The following DMTF1 variants were observed in gnomAD, a reference collection of about 807,000 sequenced individuals.
DMTF1 encodes the protein cyclin D binding myb like transcription factor 1, also known as cyclin-D-binding Myb-like transcription factor 1.
A neutral mutation model predicts 91.1 loss-of-function variants in DMTF1; 39 were observed. That is an observed-to-expected ratio of 0.43 (90% CI 0.33 to 0.56). DMTF1 has a LOEUF of 0.56. Among genes scored for constraint, DMTF1 ranks in the 20% least tolerant of loss-of-function variants. The pLI, the probability that DMTF1 is intolerant of heterozygous loss-of-function variation, is 0.05. For synonymous variants in DMTF1, 338 were observed against 309.5 expected (o/e 1.09, Z -0.97); for missense variants, 750 against 914.5 (o/e 0.82, Z 2.32).
At chr7:87,168,380 C>T (rs182642747) in intron 4 of DMTF1, among the ~76,000 whole-genome samples, 2 of 152,160 alleles carry the variant, frequency 1.3e-5, no homozygotes, top group Admixed American at 1.3e-4. Context: ...TTACCTATTA[C>T]TAGAGTCCAT....
intron 12 of DMTF1, 85 bp from the exon 13 acceptor site, chr7:87,188,007 C>A: frequency 9.6e-7 from 1 of 1,041,428 alleles, no homozygotes; most frequent in Admixed American, 1.8e-5. Context: ...TACTTTCCCT[C>A]CTTACCTCCC....
chr7:87,181,286 T>A (rs1454722646), intron 8 of DMTF1, 23 bp from the exon 9 acceptor site: 14 of 1,157,288 alleles, frequency 1.2e-5, no homozygotes, highest in South Asian at 2.7e-5. Context: ...ATTGATTTTT[T>A]AAAAATTTCT....
At chr7:87,194,169 A>G in intron 16 of DMTF1, 67 bp downstream of exon 16, 1 of 1,489,978 alleles carries the variant, frequency 6.7e-7, no homozygotes. Flanking sequence ...AGTTTGGGAA[A>G]CTTTTTTCTG....
chr7:87,170,979 G>T lies in DMTF1; in HGVS notation c.233-16G>T. On this transcript the variant is annotated splice_polypyrimidine_tract_variant and intron_variant, in intron 4 of 17. Transcript: ENST00000331242. Reference sequence around the variant, plus strand: ...GCCGTTATTATTCTGGAGATGAACGGTTCCTTTTCTTGAAGTTTCAGAAAA... The same window carrying T: ...GCCGTTATTATTCTGGAGATGAACGTTTCCTTTTCTTGAAGTTTCAGAAAA... 1 of 1,542,372 alleles carries T rather than the reference G, an allele frequency of 6.5e-7. No individual in the cohort carries two copies. Among genetic ancestry groups the T allele is most frequent in the African/African-American group, 1.4e-5 (1 of 73,470 alleles).
intron 1 of DMTF1, among the ~76,000 whole-genome samples, chr7:87,157,687 A>G (rs1276326593): frequency 6.6e-6 from 1 of 152,100 alleles, no homozygotes; most frequent in Non-Finnish European, 1.5e-5. Flanking sequence ...GTTAAATAAC[A>G]GATCCAAGAG....
intron 16 of DMTF1, 48 bp downstream of exon 16, chr7:87,194,150 C>G: frequency 6.6e-7 from 1 of 1,507,692 alleles, no homozygotes; most frequent in Non-Finnish European, 8.8e-7. Flanking sequence ...CCTTGAGCCT[C>G]AAACCTGCAG....
intron 5 of DMTF1, among the ~76,000 whole-genome samples, chr7:87,172,814 C>G (rs1049919955): frequency 3.3e-5 from 5 of 152,198 alleles, no homozygotes; most frequent in African/African-American, 4.8e-5. Context: ...GCTTTTTTCC[C>G]CTACAGGGTT....
In DMTF1 at chr7:87,193,367, ATTAC is replaced by A; in HGVS notation, c.1650+17_1650+20del. The A allele has an allele frequency of 1.9e-6, 3 of 1,612,608 alleles. No homozygotes were observed. The highest frequency in any genetic ancestry group is 2.2e-5 in the South Asian group (2 of 91,038). ...CATGCTTTATCCGTATGTTACATAA[ATTAC>A]TTGATTTTTGAGTACCTGTTATAGA... On this transcript the variant is annotated intron_variant, in intron 15 of 17. Transcript: ENST00000331242.
At chr7:87,186,086 G>T in intron 12 of DMTF1, 106 bp downstream of exon 12, 1 of 1,208,728 alleles carries the variant, frequency 8.3e-7, no homozygotes, top group Non-Finnish European at 1.2e-6. Flanking sequence ...TATCATAGCA[G>T]ATTTCTACTT....
At chr7:87,168,487 T>G (rs1360924180) in intron 4 of DMTF1, among the ~76,000 whole-genome samples, 1 of 152,204 alleles carries the variant, frequency 6.6e-6, no homozygotes, top group Non-Finnish European at 1.5e-5. Flanking sequence ...TTTGCCTCAC[T>G]GGGCCCCATT....
intron 6 of DMTF1, 36 bp from the exon 7 acceptor site, chr7:87,174,557 A>G (rs1430487901): frequency 1.4e-6 from 2 of 1,388,732 alleles, no homozygotes; most frequent in Non-Finnish European, 2.0e-6. Context: ...TTCAAGGAGT[A>G]ACATTTTTTA....
At chr7:87,156,736 C>CT in intron 1 of DMTF1, among the ~76,000 whole-genome samples, 1 of 152,216 alleles carries the variant, frequency 6.6e-6, no homozygotes, top group Middle Eastern at 3.4e-3. Flanking sequence ...ACTAAGCAGA[C>CT]TTTCATTATT....
chr7:87,180,856 CTTTTTTT>C (rs397889347), intron 8 of DMTF1, among the ~76,000 whole-genome samples: 8 of 127,698 alleles, frequency 6.3e-5, no homozygotes, highest in Non-Finnish European at 1.2e-4. Flanking sequence ...TTATTTTCAA[CTTTTTTT>C]TTTTTTTTTT....
intron 10 of DMTF1, 106 bp from the exon 11 acceptor site, chr7:87,184,291 C>T (rs1458588277): frequency 1.9e-6 from 2 of 1,042,886 alleles, no homozygotes; most frequent in Non-Finnish European, 2.8e-6. Context: ...CAGAAACAAA[C>T]TCTTAGTACT....
At chr7:87,161,363 A>C (rs1792344705) in intron 1 of DMTF1, among the ~76,000 whole-genome samples, 1 of 152,110 alleles carries the variant, frequency 6.6e-6, no homozygotes, top group Non-Finnish European at 1.5e-5. Flanking sequence ...TTAGCTGGGC[A>C]TGGTGGCACA....
At chr7:87,172,067 G>A (rs886746476) in intron 5 of DMTF1, among the ~76,000 whole-genome samples, 1 of 152,160 alleles carries the variant, frequency 6.6e-6, no homozygotes, top group Admixed American at 6.5e-5. Flanking sequence ...CTGATTAAGA[G>A]AAGATAATTT....
At position 87,173,631 on chromosome 7, in the gene DMTF1, G is replaced by A. The variant is rs1355769580; in HGVS notation, c.424G>A (p.Asp142Asn). Residue 142 changes from aspartate (D) to asparagine (N), a missense_variant, in exon 6 of 18, where the codon GAT becomes AAT. By Grantham distance (23) the Asp-to-Asn change is conservative. This residue lies in a region of DMTF1 where 190 missense variants were observed against 343.8 expected (regional missense o/e 0.55). Transcript: ENST00000331242. ...ATGGTTTACAACTAAAGAAGATAAG[G>A]ATTCTCTGACTAATAAAGGTAAGAT... ...QAWFTTKEDK[D>N]SLTNKGHKWK... 3 of 1,608,110 alleles carry A rather than the reference G, an allele frequency of 1.9e-6. No homozygotes were observed. The highest frequency in any genetic ancestry group is 2.7e-5 in the African/African-American group (2 of 74,650).
In DMTF1 at chr7:87,164,800, T is replaced by A. The variant is rs73705083; in HGVS notation, c.-8-134T>A. 2,834 of 432,320 alleles carry A rather than the reference T, an allele frequency of 6.6e-3. 82 individuals carry two copies. Among genetic ancestry groups the A allele is most frequent in the African/African-American group, 0.053 (2,583 of 49,084 alleles). The allele number at this position is 432,320 out of a possible 1,614,324, so 26.8% of individuals were successfully genotyped here. A position where few individuals can be genotyped will look rare whatever the true frequency, so the allele number is the denominator to read the frequency against. ...GCAGTTTTTGAAATCTGAACTCTCA[T>A]TGCAGTTTTACATGAAGAACACTGT... is the stretch of plus-strand genomic sequence containing the variant. On this transcript the variant is annotated intron_variant, in intron 2 of 17. Transcript: ENST00000331242.
chr7:87,193,867 C>G lies in DMTF1; in HGVS notation c.1793C>G (p.Ser598Cys). ...ELTVDSDIQS[S>C]DFPEPPDALE... ...ACAGTCGATAGTGATATTCAGTCAT[C>G]TGATTTTCCTGAGCCTCCAGACGCC... The change falls in exon 16 of 18, where the codon TCT becomes TGT. Residue 598 changes from serine to cysteine, a missense_variant. Coordinates refer to ENST00000331242, the MANE Select transcript of DMTF1 (RefSeq NM_001142327.2). The G allele has an allele frequency of 1.2e-6, 2 of 1,613,422 alleles. No individual in the cohort carries two copies. Among genetic ancestry groups the G allele is most frequent in the Non-Finnish European group, 8.5e-7 (1 of 1,179,634 alleles).
Sources: gnomAD v4.1 joint callset for allele counts (sites outside exome capture counted in the v4.1 genomes callset) on GRCh38, gnomAD v4.1.1 for gene constraint, gnomAD v4.1.1 regional missense constraint, MANE v1.5 for transcripts, NCBI Gene and HGNC (gene_info 2026-07-23, HGNC 2026-07-21) for gene names.